Variants in IGF1 observed in about 807,000 individuals in gnomAD.
IGF1 encodes the protein insulin-like growth factor 1.
In IGF1, 4 loss-of-function variants were observed where a neutral mutation model predicts 13.8. That is an observed-to-expected ratio of 0.29 (90% CI 0.14 to 0.66). IGF1 has a LOEUF of 0.66. Ranked by LOEUF, IGF1 falls within the 30% of genes least tolerant of loss-of-function variation. The pLI, the probability that IGF1 is intolerant of heterozygous loss-of-function variation, is 0.78. For missense variants in IGF1, 124 were observed against 188.5 expected, an observed-to-expected ratio of 0.66 and a Z score of 2.00; for synonymous variants, 76 against 72.6, an observed-to-expected ratio of 1.05 and a Z score of -0.23.
intron 3 of IGF1, chr12:102,417,776 C>A (rs755787144): frequency 6.2e-7 from 1 of 1,611,672 alleles, no homozygotes; most frequent in Non-Finnish European, 8.5e-7. Flanking sequence ...GTCTGCTCCT[C>A]TCTCATCATC....
intron 2 of IGF1, among the ~76,000 whole-genome samples, chr12:102,456,739 C>G (rs1218304877): frequency 6.6e-6 from 1 of 152,152 alleles, no homozygotes; most frequent in Admixed American, 6.5e-5. Flanking sequence ...AATATTACAG[C>G]AATTCCTACA....
chr12:102,444,599 T>C (rs1313791727), intron 2 of IGF1, among the ~76,000 whole-genome samples: 1 of 152,126 alleles, frequency 6.6e-6, no homozygotes. Flanking sequence ...ATTAAGGACA[T>C]TTTAAATTTA....
At chr12:102,476,251 A>G (rs976658769) in intron 1 of IGF1, among the ~76,000 whole-genome samples, 2 of 152,204 alleles carry the variant, frequency 1.3e-5, no homozygotes, top group African/African-American at 4.8e-5. Context: ...AATATTGGCC[A>G]TCCATAGATG....
At chr12:102,467,827 T>A (rs1034226470) in intron 2 of IGF1, among the ~76,000 whole-genome samples, 10 of 152,210 alleles carry the variant, frequency 6.6e-5, no homozygotes, top group African/African-American at 2.4e-4. Flanking sequence ...GAAAAGAGAA[T>A]CACAGTATCT....
intron 2 of IGF1, among the ~76,000 whole-genome samples, chr12:102,426,866 G>C (rs755848302): frequency 2.6e-5 from 4 of 152,152 alleles, no homozygotes; most frequent in Non-Finnish European, 5.9e-5. Flanking sequence ...ATCTCATTCT[G>C]TTCTCTTCTT....
chr12:102,411,029 T>C (rs1371363145), intron 3 of IGF1, among the ~76,000 whole-genome samples: 3 of 152,228 alleles, frequency 2.0e-5, no homozygotes, highest in Non-Finnish European at 4.4e-5. Context: ...ATCAGAATTG[T>C]GGCATTGTGC....
chr12:102,456,993 T>C (rs1349427580), intron 2 of IGF1, among the ~76,000 whole-genome samples: 2 of 152,132 alleles, frequency 1.3e-5, no homozygotes, highest in Non-Finnish European at 2.9e-5. Context: ...TCTCTCCTGG[T>C]ACTAAAAAAA....
intron 2 of IGF1, among the ~76,000 whole-genome samples, chr12:102,463,770 G>GT (rs1337508735): frequency 6.6e-6 from 1 of 152,216 alleles, no homozygotes. Flanking sequence ...TTGAGGTTAA[G>GT]TTTAAAGGGT....
At chr12:102,467,916 CTTA>C (rs1181407612) in intron 2 of IGF1, among the ~76,000 whole-genome samples, 2 of 152,158 alleles carry the variant, frequency 1.3e-5, no homozygotes, top group Non-Finnish European at 2.9e-5. Flanking sequence ...TTGGCTAATT[CTTA>C]TTATTATCAT....
At chr12:102,469,166 C>A (rs1364377450) in intron 2 of IGF1, among the ~76,000 whole-genome samples, 1 of 152,172 alleles carries the variant, frequency 6.6e-6, no homozygotes, top group Non-Finnish European at 1.5e-5. Flanking sequence ...CTGGCTGCTC[C>A]CACATCTCCT....
chr12:102,441,917 T>TCTTCCTCTTCCTCTTCCTCTTCC (rs1565984662), intron 2 of IGF1, among the ~76,000 whole-genome samples: 5 of 114,328 alleles, frequency 4.4e-5, no homozygotes, highest in Admixed American at 1.0e-4. Flanking sequence ...CTTCTTCTCC[T>TCTTCCTCTTCCTCTTCCTCTTCC]TCTTCTTCTT....
intron 3 of IGF1, among the ~76,000 whole-genome samples, chr12:102,403,804 T>A (rs1334401157): frequency 1.3e-5 from 2 of 152,006 alleles, no homozygotes. Context: ...ATAGAAGCCC[T>A]GTGAGACCAG....
rs1873507896 is a variant in IGF1 at position 102,399,553 on chromosome 12, G to C, written c.*2954C>G. Reference sequence around the variant, plus strand: ...TGACTTCCAGGGTTTGCATCAATTTGTTTTCTAGTTTTAATTCATTAAAAA... The same window carrying C: ...TGACTTCCAGGGTTTGCATCAATTTCTTTTCTAGTTTTAATTCATTAAAAA... On this transcript the variant is annotated 3_prime_UTR_variant, in exon 4 of 4. Transcript: ENST00000337514. 2 of 151,980 alleles carry C rather than the reference G, an allele frequency of 1.3e-5. No homozygotes were observed. The highest frequency in any genetic ancestry group is 4.8e-5 in the African/African-American group (2 of 41,362). 9.4% of individuals were successfully genotyped at this position (151,980 alleles called of 1,614,324 possible).
intron 2 of IGF1, among the ~76,000 whole-genome samples, chr12:102,430,350 C>G (rs778338564): frequency 3.0e-4 from 46 of 152,190 alleles, no homozygotes; most frequent in Non-Finnish European, 6.0e-4. Flanking sequence ...CCACTGACCT[C>G]CTGCTGGGTA....
intron 2 of IGF1, among the ~76,000 whole-genome samples, chr12:102,431,353 C>T (rs1030160414): frequency 7.2e-5 from 11 of 152,106 alleles, no homozygotes; most frequent in Non-Finnish European, 1.5e-4. Flanking sequence ...GAAAACTATT[C>T]CATTAAACAC....
chr12:102,444,296 A>G (rs1056658202), intron 2 of IGF1, among the ~76,000 whole-genome samples: 1 of 151,388 alleles, frequency 6.6e-6, no homozygotes, highest in Non-Finnish European at 1.5e-5. Flanking sequence ...GTTCTTTTCT[A>G]GGAAATGTAC....
At chr12:102,447,620 A>G (rs1289881306) in intron 2 of IGF1, among the ~76,000 whole-genome samples, 1 of 152,106 alleles carries the variant, frequency 6.6e-6, no homozygotes, top group African/African-American at 2.4e-5. Flanking sequence ...GCGTCTTTGC[A>G]TGTGAGATGA....
Position 102,444,509 on chromosome 12 carries a change from C to T in IGF1, c.221-24819G>A, listed in dbSNP as rs144197513. Among the ~76,000 whole-genome samples, 808 of 152,080 alleles carry T rather than the reference C, an allele frequency of 5.3e-3. 4 individuals are homozygous for T. The highest frequency in any genetic ancestry group is 0.018 in the African/African-American group (758 of 41,514). Reference sequence around the variant, plus strand: ...GAGCAGTCAGTCATTGATGTATTTACGCGTAAGTTCATTCAACAAAGTTAT... The same window carrying T: ...GAGCAGTCAGTCATTGATGTATTTATGCGTAAGTTCATTCAACAAAGTTAT... On this transcript the variant is annotated intron_variant, in intron 2 of 3. Transcript: ENST00000337514.
Position 102,475,692 on chromosome 12 carries a change from C to T in IGF1, c.171G>A (p.Glu57=). The T allele has an allele frequency of 6.2e-7, 1 of 1,614,220 alleles. No homozygotes were observed. The highest frequency in any genetic ancestry group is 1.3e-5 in the African/African-American group (1 of 75,058). Residue 57 remains glutamate (E), a synonymous_variant, in exon 2 of 4, where the codon GAG becomes GAA. Transcript: ENST00000337514. ...ACACGAACTGAAGAGCATCCACCAGCTCAGCCCCGCAGAGCGTCTCCGGTC... is the reference window on the plus strand; with the variant it reads ...ACACGAACTGAAGAGCATCCACCAGTTCAGCCCCGCAGAGCGTCTCCGGTC... ...TAGPETLCGA[E]LVDALQFVCG... is the part of the protein sequence containing the mutation.
Sources: gnomAD v4.1 joint callset for allele counts (sites outside exome capture counted in the v4.1 genomes callset) on GRCh38, gnomAD v4.1.1 for gene constraint, MANE v1.5 for transcripts, NCBI Gene and HGNC (gene_info 2026-07-23, HGNC 2026-07-21) for gene names.